GTF2F2: variants seen among roughly 807,000 people sequenced by gnomAD.
The protein encoded by GTF2F2 is general transcription factor IIF subunit 2.
In GTF2F2, 23 loss-of-function variants were observed where a neutral mutation model predicts 42.2. That is an observed-to-expected ratio of 0.55 (90% CI 0.39 to 0.77). GTF2F2 has a LOEUF of 0.77. Ranked by LOEUF, GTF2F2 falls within the 30% of genes least tolerant of loss-of-function variation. The pLI is 0.00. For synonymous variants in GTF2F2, 105 were observed against 100.8 expected (o/e 1.04, Z -0.25); for missense variants, 261 against 287.2 (o/e 0.91, Z 0.66).
intron 4 of GTF2F2, among the ~76,000 whole-genome samples, chr13:45,166,954 T>G (rs1871321916): frequency 6.6e-6 from 1 of 152,192 alleles, no homozygotes; most frequent in Non-Finnish European, 1.5e-5. Context: ...TAAACATGTT[T>G]AAGTTCTGAA....
intron 7 of GTF2F2, among the ~76,000 whole-genome samples, chr13:45,274,386 A>G (rs1486754412): frequency 3.1e-5 from 4 of 129,790 alleles, no homozygotes; most frequent in Non-Finnish European, 4.6e-5. Context: ...GAGTGCAGTG[A>G]CGCAGTCTTG....
At chr13:45,157,315 C>A (rs893126073) in intron 4 of GTF2F2, among the ~76,000 whole-genome samples, 2 of 152,116 alleles carry the variant, frequency 1.3e-5, no homozygotes, top group Admixed American at 1.3e-4. Flanking sequence ...TGGATGTTGG[C>A]AGTGGCAGAT....
intron 7 of GTF2F2, among the ~76,000 whole-genome samples, chr13:45,279,641 C>G (rs1381755190): frequency 6.6e-6 from 1 of 152,308 alleles, no homozygotes; most frequent in Non-Finnish European, 1.5e-5. Context: ...GGCGCGGTGG[C>G]TCATGCCTGT....
At chr13:45,198,735 G>T (rs1873029568) in intron 4 of GTF2F2, among the ~76,000 whole-genome samples, 1 of 150,736 alleles carries the variant, frequency 6.6e-6, no homozygotes, top group Admixed American at 6.6e-5. Context: ...TCTGTGTTTT[G>T]ACCTTCCTCT....
chr13:45,155,915 T>G (rs1870735432), intron 4 of GTF2F2, among the ~76,000 whole-genome samples: 1 of 152,218 alleles, frequency 6.6e-6, no homozygotes, highest in Non-Finnish European at 1.5e-5. Flanking sequence ...AGATCATTTC[T>G]ATTTTTCCTG....
intron 7 of GTF2F2, among the ~76,000 whole-genome samples, chr13:45,269,036 T>C (rs1593527833): frequency 6.6e-6 from 1 of 152,218 alleles, no homozygotes; most frequent in Admixed American, 6.5e-5. Context: ...TGAATTGTTC[T>C]GGGGAACATA....
rs1566137128 is a variant in GTF2F2 at position 45,212,468 on chromosome 13, TTTCTTTC to T, written c.386+4966_386+4972del. On this transcript the variant is annotated intron_variant, in intron 5 of 7. Coordinates refer to ENST00000340473, the MANE Select transcript of GTF2F2 (RefSeq NM_004128.3). ...TCTTGTTTCTTTCTTTCTTTCTTTC[TTTCTTTC>T]TTTCTTTCTTTCTTTCTTTCTTTCT... Among the ~76,000 whole-genome samples the T allele has an allele frequency of 3.3e-4, 45 of 135,154 alleles. 3 individuals are homozygous for T. Among genetic ancestry groups the T allele is most frequent in the Middle Eastern group, 7.4e-3 (2 of 272 alleles). 88.7% of individuals were successfully genotyped at this position (135,154 alleles called of 152,430 possible).
chr13:45,280,355 T>G (rs1877211064), intron 7 of GTF2F2, among the ~76,000 whole-genome samples: 1 of 152,252 alleles, frequency 6.6e-6, no homozygotes, highest in Admixed American at 6.5e-5. Flanking sequence ...TGTCCATGTC[T>G]TCCCTTTAGA....
At chr13:45,215,025 A>G (rs764624772) in intron 5 of GTF2F2, among the ~76,000 whole-genome samples, 1 of 152,208 alleles carries the variant, frequency 6.6e-6, no homozygotes, top group African/African-American at 2.4e-5. Context: ...ACAGGTTCCC[A>G]TATGATTATA....
intron 1 of GTF2F2, among the ~76,000 whole-genome samples, chr13:45,127,361 T>A: frequency 6.6e-6 from 1 of 152,106 alleles, no homozygotes; most frequent in African/African-American, 2.4e-5. Context: ...GGTCTCACTC[T>A]GTCTCCCAGG....
At chr13:45,200,148 TTGA>T (rs1173523705) in intron 4 of GTF2F2, among the ~76,000 whole-genome samples, 1 of 152,204 alleles carries the variant, frequency 6.6e-6, no homozygotes, top group East Asian at 1.9e-4. Flanking sequence ...CATCTTATAG[TTGA>T]TGAAATATTT....
intron 4 of GTF2F2, among the ~76,000 whole-genome samples, chr13:45,199,098 C>A (rs191757657): frequency 2.6e-5 from 4 of 152,322 alleles, no homozygotes; most frequent in Middle Eastern, 3.4e-3. Context: ...CAAACTGTGC[C>A]AAGTACTTGA....
intron 4 of GTF2F2, among the ~76,000 whole-genome samples, chr13:45,152,207 A>G (rs150914401): frequency 0.012 from 1,819 of 152,030 alleles, 31 homozygotes; most frequent in African/African-American, 0.037. Flanking sequence ...GAGCCACCGC[A>G]CCCAGCCTCC....
intron 5 of GTF2F2, among the ~76,000 whole-genome samples, chr13:45,251,833 TAAAA>T (rs1875891203): frequency 6.6e-6 from 1 of 152,170 alleles, no homozygotes; most frequent in Non-Finnish European, 1.5e-5. Flanking sequence ...GCAATTTTCT[TAAAA>T]AACTGCAATC....
rs932806458 is a variant in GTF2F2, at chr13:45,151,556, G to A, written c.160-131G>A. 7.1e-6 allele frequency: 4 copies of A among 567,118 alleles called. No homozygotes were observed. The East Asian group carries it at 1.3e-4, about 19-fold the overall frequency. The allele number at this position is 567,118 out of a possible 1,614,324, so 35.1% of individuals were successfully genotyped here. ...TCTTTTTATGACCAAGTATTAAGGA[G>A]TTTTTAATAAAGTGTTTAATGAAAT... On this transcript the variant is annotated intron_variant, in intron 3 of 7. Coordinates refer to ENST00000340473, the MANE Select transcript of GTF2F2 (RefSeq NM_004128.3).
chr13:45,181,496 C>T (rs1403184081), intron 4 of GTF2F2, among the ~76,000 whole-genome samples: 1 of 152,020 alleles, frequency 6.6e-6, no homozygotes, highest in Non-Finnish European at 1.5e-5. Context: ...GAACATTTCT[C>T]TCTGATGTTC....
intron 1 of GTF2F2, among the ~76,000 whole-genome samples, chr13:45,125,660 T>G (rs1382434908): frequency 2.6e-5 from 4 of 152,174 alleles, no homozygotes; most frequent in Non-Finnish European, 5.9e-5. Flanking sequence ...CCCTAGAGAT[T>G]CAGAGGTGAG....
chr13:45,258,276 A>G (rs1876183656), intron 6 of GTF2F2, among the ~76,000 whole-genome samples: 1 of 152,080 alleles, frequency 6.6e-6, no homozygotes, highest in Non-Finnish European at 1.5e-5. Flanking sequence ...GTTAGTTACA[A>G]ATGATTTAGG....
chr13:45,157,846 A>C (rs1053427302), intron 4 of GTF2F2, among the ~76,000 whole-genome samples: 1 of 152,088 alleles, frequency 6.6e-6, no homozygotes, highest in Non-Finnish European at 1.5e-5. Context: ...GGCCTCCCAA[A>C]GTGCTGGGAT....
Sources: gnomAD v4.1 joint callset for allele counts (sites outside exome capture counted in the v4.1 genomes callset) on GRCh38, gnomAD v4.1.1 for gene constraint, MANE v1.5 for transcripts, NCBI Gene and HGNC (gene_info 2026-07-23, HGNC 2026-07-21) for gene names.